The following CALN1 variants were observed in gnomAD, a reference collection of about 807,000 sequenced individuals.
The protein encoded by CALN1 is calneuron 1.
CALN1 carries 17 observed loss-of-function variants against 30.6 expected under a neutral mutation model. The observed-to-expected ratio is 0.56, with a 90% CI of 0.38 to 0.83. The LOEUF (loss-of-function observed/expected upper bound fraction) is 0.83, where lower values mean the gene tolerates loss of function less well. Ranked by LOEUF, CALN1 falls within the 40% of genes least tolerant of loss-of-function variation. The pLI, the probability that CALN1 is intolerant of heterozygous loss-of-function variation, is 0.00. For missense variants in CALN1, 291 were observed against 354.9 expected, an observed-to-expected ratio of 0.82 and a Z score of 1.45; for synonymous variants, 156 against 131.4, an observed-to-expected ratio of 1.19 and a Z score of -1.28.
chr7:71,804,254 A>G (rs550980371), intron 6 of CALN1, among the ~76,000 whole-genome samples: 1 of 152,176 alleles, frequency 6.6e-6, no homozygotes. Flanking sequence ...CACACCTGTA[A>G]TCTCAGTCCT....
chr7:72,088,263 G>C (rs990486619), intron 4 of CALN1, among the ~76,000 whole-genome samples: 47 of 151,868 alleles, frequency 3.1e-4, no homozygotes, highest in African/African-American at 9.7e-4. Flanking sequence ...AATATGAACT[G>C]GTGACATTTT....
chr7:71,947,031 GAC>G (rs1562927037), intron 5 of CALN1, among the ~76,000 whole-genome samples: 1 of 152,050 alleles, frequency 6.6e-6, no homozygotes, highest in Non-Finnish European at 1.5e-5. Context: ...GTTTTTTTGA[GAC>G]AGAGTCTCGC....
the CALN1 span, among the ~76,000 whole-genome samples, chr7:72,472,500 C>G: frequency 1.3e-5 from 2 of 152,122 alleles, no homozygotes; most frequent in Non-Finnish European, 2.9e-5. Flanking sequence ...AGGTGTGTCT[C>G]GAGGCCTGGC....
At chr7:72,396,092 G>A (rs920379102) in intron 2 of CALN1, among the ~76,000 whole-genome samples, 3 of 151,672 alleles carry the variant, frequency 2.0e-5, no homozygotes, top group African/African-American at 4.8e-5. Context: ...TACATTACAT[G>A]AGGCGAGATT....
chr7:72,257,058 C>CT (rs1554340136), intron 3 of CALN1, among the ~76,000 whole-genome samples: 1 of 152,162 alleles, frequency 6.6e-6, no homozygotes, highest in Non-Finnish European at 1.5e-5. Context: ...TTCCATATGG[C>CT]TGGGGAGGCC....
chr7:72,366,628 G>GCC (rs1003704660), intron 2 of CALN1, among the ~76,000 whole-genome samples: 6 of 151,906 alleles, frequency 3.9e-5, no homozygotes, highest in Non-Finnish European at 5.9e-5. Flanking sequence ...TTTAGCCCTG[G>GCC]CCCCCTTCCA....
chr7:72,052,381 C>G (rs541724949), intron 4 of CALN1, among the ~76,000 whole-genome samples: 39 of 152,242 alleles, frequency 2.6e-4, no homozygotes, highest in Non-Finnish European at 4.7e-4. Context: ...TACGGAGGAT[C>G]TGCCCCTTCC....
At chr7:72,121,916 T>C (rs1256125070) in intron 3 of CALN1, among the ~76,000 whole-genome samples, 3 of 147,724 alleles carry the variant, frequency 2.0e-5, no homozygotes, top group East Asian at 1.9e-4. Context: ...TATAAATATA[T>C]ATTATATTAC....
chr7:72,050,115 G>A (rs1020553564), intron 4 of CALN1, among the ~76,000 whole-genome samples: 7 of 151,930 alleles, frequency 4.6e-5, no homozygotes, highest in South Asian at 2.1e-4. Flanking sequence ...CCCCTCGCCC[G>A]GCCGAAGGTA....
At chr7:71,862,346 A>AG (rs772230529) in intron 5 of CALN1, among the ~76,000 whole-genome samples, 5 of 152,168 alleles carry the variant, frequency 3.3e-5, no homozygotes, top group Non-Finnish European at 7.4e-5. Context: ...GTGTCATAGG[A>AG]GGGACCCAGT....
upstream of CALN1, among the ~76,000 whole-genome samples, chr7:72,447,870 C>T (rs888336277): frequency 1.3e-5 from 2 of 151,898 alleles, no homozygotes; most frequent in African/African-American, 4.8e-5. Flanking sequence ...TGCACACACA[C>T]ATGCCTGCCC....
chr7:71,861,032 G>A (rs974613325), intron 5 of CALN1, among the ~76,000 whole-genome samples: 3 of 152,066 alleles, frequency 2.0e-5, no homozygotes, highest in Admixed American at 6.6e-5. Context: ...GACCATTTAG[G>A]TCAGATACAG....
intron 4 of CALN1, among the ~76,000 whole-genome samples, chr7:72,070,385 G>A (rs1221247413): frequency 3.3e-5 from 5 of 152,194 alleles, no homozygotes; most frequent in Non-Finnish European, 7.3e-5. Context: ...GTGTCCAACT[G>A]CTGCAGGTCC....
intron 5 of CALN1, among the ~76,000 whole-genome samples, chr7:71,820,570 T>G (rs1788529869): frequency 6.6e-6 from 1 of 152,216 alleles, no homozygotes; most frequent in Non-Finnish European, 1.5e-5. Context: ...GCAGCCCAAG[T>G]GTCTGCTATG....
intron 2 of CALN1, among the ~76,000 whole-genome samples, chr7:72,304,777 A>G (rs1799534843): frequency 6.6e-6 from 1 of 152,208 alleles, no homozygotes; most frequent in African/African-American, 2.4e-5. Flanking sequence ...AGAGATATAT[A>G]AAGTTCTTCA....
chr7:72,351,394 A>C (rs1275606447), intron 2 of CALN1, among the ~76,000 whole-genome samples: 2 of 152,186 alleles, frequency 1.3e-5, no homozygotes, highest in Non-Finnish European at 2.9e-5. Context: ...CTTAGGAATG[A>C]TAAGTCCTGG....
At chr7:72,034,937 C>G (rs538392016) in intron 4 of CALN1, among the ~76,000 whole-genome samples, 33 of 151,302 alleles carry the variant, frequency 2.2e-4, no homozygotes, top group Non-Finnish European at 4.1e-4. Flanking sequence ...ATGGGGAGGT[C>G]AAGGAGAATA....
chr7:72,265,776 G>T (rs1414525003), intron 3 of CALN1, among the ~76,000 whole-genome samples: 1 of 151,958 alleles, frequency 6.6e-6, no homozygotes, highest in African/African-American at 2.4e-5. Context: ...AGGGTTCTTA[G>T]AAATAAGAAC....
At chr7:71,924,878 A>C (rs1433937320) in intron 5 of CALN1, among the ~76,000 whole-genome samples, 1 of 152,232 alleles carries the variant, frequency 6.6e-6, no homozygotes, top group Non-Finnish European at 1.5e-5. Context: ...ATTGCTTTAA[A>C]GGATCAATTA....
Sources: allele counts gnomAD v4.1 joint callset (sites outside exome capture counted in the v4.1 genomes callset), GRCh38; gene constraint gnomAD v4.1.1; transcripts MANE v1.5; gene names NCBI Gene and HGNC (gene_info 2026-07-23, HGNC 2026-07-21).